NMNAT2: variants seen among roughly 807,000 people sequenced by gnomAD.
NMNAT2 encodes the protein nicotinamide nucleotide adenylyltransferase 2, also known as nicotinamide/nicotinic acid mononucleotide adenylyltransferase 2.
In NMNAT2, 11 loss-of-function variants were observed where a neutral mutation model predicts 41.6. That is an observed-to-expected ratio of 0.26 (90% confidence interval 0.17 to 0.44). NMNAT2 has a LOEUF of 0.44. Among genes scored for constraint, NMNAT2 ranks in the 20% least tolerant of loss-of-function variants. NMNAT2 has a pLI of 1.00. For synonymous variants in NMNAT2, 148 were observed against 151.2 expected (o/e 0.98, Z 0.16); for missense variants, 288 against 407.7 (o/e 0.71, Z 2.53).
At chr1:183,303,150 A>AGCAAT (rs1284109202) in intron 1 of NMNAT2, among the ~76,000 whole-genome samples, 1 of 152,224 alleles carries the variant, frequency 6.6e-6, no homozygotes, top group Non-Finnish European at 1.5e-5. Context: ...TTGTTTGAAA[A>AGCAAT]GCAATGATAT....
Position 183,364,754 on chromosome 1 carries a change from C to T in NMNAT2, c.85+53429G>A, listed in dbSNP as rs1280777936. 4.0e-5 allele frequency among the ~76,000 whole-genome samples: 6 copies of T among 151,850 alleles called. No homozygotes were observed. In the East Asian group the frequency reaches 5.8e-4, roughly 15 times the overall value. On this transcript the variant is annotated intron_variant, in intron 1 of 10. Transcript: ENST00000287713. ...TCTCCCAGGCTAGAGTGCAGTGGCA[C>T]GATCTTGGCTCACTGCAACCTCCAC...
chr1:183,409,418 G>T (rs1649053204), intron 1 of NMNAT2, among the ~76,000 whole-genome samples: 1 of 152,102 alleles, frequency 6.6e-6, no homozygotes, highest in African/African-American at 2.4e-5. Flanking sequence ...ATGGGCTCAA[G>T]CCATCCTCCC....
At chr1:183,403,778 T>C (rs1011154808) in intron 1 of NMNAT2, among the ~76,000 whole-genome samples, 2 of 152,214 alleles carry the variant, frequency 1.3e-5, no homozygotes, top group African/African-American at 2.4e-5. Flanking sequence ...CAAAATTGCA[T>C]GACAATACAC....
chr1:183,261,175 G>A, intron 9 of NMNAT2, 27 bp downstream of exon 9: 1 of 1,608,756 alleles, frequency 6.2e-7, no homozygotes, highest in Non-Finnish European at 8.5e-7. Flanking sequence ...CCATAACACA[G>A]ATGCACTAGC....
At chr1:183,354,272 G>A (rs1249635381) in intron 1 of NMNAT2, among the ~76,000 whole-genome samples, 2 of 152,120 alleles carry the variant, frequency 1.3e-5, no homozygotes, top group Non-Finnish European at 1.5e-5. Context: ...GATGAGAGAG[G>A]AGGAAGGACA....
chr1:183,288,259 C>G (rs985237032), intron 4 of NMNAT2, among the ~76,000 whole-genome samples: 1 of 152,182 alleles, frequency 6.6e-6, no homozygotes, highest in African/African-American at 2.4e-5. Flanking sequence ...CTCCTGCATT[C>G]TCAGAGGCCT....
intron 1 of NMNAT2, among the ~76,000 whole-genome samples, chr1:183,324,177 T>A (rs562012701): frequency 6.6e-6 from 1 of 152,092 alleles, no homozygotes; most frequent in African/African-American, 2.4e-5. Context: ...CAGCAGAAGA[T>A]CAACATTGGT....
At chr1:183,271,320 A>G (rs1660981269) in intron 8 of NMNAT2, among the ~76,000 whole-genome samples, 1 of 152,098 alleles carries the variant, frequency 6.6e-6, no homozygotes, top group Non-Finnish European at 1.5e-5. Flanking sequence ...CATCTCCCCA[A>G]AGGTCTTGTT....
chr1:183,374,797 G>A (rs576334689), intron 1 of NMNAT2, among the ~76,000 whole-genome samples: 2 of 152,134 alleles, frequency 1.3e-5, no homozygotes, highest in Non-Finnish European at 2.9e-5. Context: ...GAGTTTCAGA[G>A]GCTTAGGCAG....
intron 1 of NMNAT2, among the ~76,000 whole-genome samples, chr1:183,376,201 T>G (rs1663675261): frequency 1.3e-5 from 2 of 152,226 alleles, no homozygotes; most frequent in African/African-American, 2.4e-5. Context: ...ATTAATGGTA[T>G]TAATAATTAA....
At chr1:183,369,487 C>T (rs1663486206) in intron 1 of NMNAT2, among the ~76,000 whole-genome samples, 2 of 151,950 alleles carry the variant, frequency 1.3e-5, no homozygotes, top group African/African-American at 4.8e-5. Context: ...CCATGTTAGC[C>T]AGGATGGTCT....
At chr1:183,366,664 TG>T (rs767728122) in intron 1 of NMNAT2, among the ~76,000 whole-genome samples, 3 of 152,110 alleles carry the variant, frequency 2.0e-5, no homozygotes, top group Non-Finnish European at 4.4e-5. Flanking sequence ...GAGTCTGATG[TG>T]GGTGCAGGGA....
chr1:183,412,242 G>C (rs1032778882), intron 1 of NMNAT2, among the ~76,000 whole-genome samples: 4 of 152,216 alleles, frequency 2.6e-5, no homozygotes, highest in African/African-American at 7.2e-5. Context: ...TTTGTTTATT[G>C]AGACGGAGTC....
At chr1:183,315,549 C>T (rs550206331) in intron 1 of NMNAT2, among the ~76,000 whole-genome samples, 1 of 151,932 alleles carries the variant, frequency 6.6e-6, no homozygotes, top group African/African-American at 2.4e-5. Flanking sequence ...TTTGGGAGGC[C>T]GAGGCGGGTG....
chr1:183,342,155 G>T (rs943155712), intron 1 of NMNAT2, among the ~76,000 whole-genome samples: 1 of 151,674 alleles, frequency 6.6e-6, no homozygotes, highest in East Asian at 1.9e-4. Flanking sequence ...TCTCCATAGT[G>T]CTGGCTGCTA....
At chr1:183,308,561 A>G (rs1052599901) in intron 1 of NMNAT2, among the ~76,000 whole-genome samples, 1 of 152,240 alleles carries the variant, frequency 6.6e-6, no homozygotes. Context: ...TAAAAAAGGA[A>G]GCTGTTAAAT....
chr1:183,389,504 A>G lies in NMNAT2; in HGVS notation c.85+28679T>C, dbSNP rs1427977121. Among the ~76,000 whole-genome samples the G allele has an allele frequency of 3.3e-5, 5 of 151,922 alleles. No homozygotes were observed. The East Asian group carries it at 9.7e-4, about 29-fold the overall frequency. On this transcript the variant is annotated intron_variant, in intron 1 of 10. Transcript: ENST00000287713. ...ATCTTATAAATGTGGGGATAAAACCAACTTGACAGGGCTGTTTTGAGAATT... is the reference window on the plus strand; with the variant it reads ...ATCTTATAAATGTGGGGATAAAACCGACTTGACAGGGCTGTTTTGAGAATT...
At chr1:183,352,984 G>T (rs910112052) in intron 1 of NMNAT2, among the ~76,000 whole-genome samples, 2 of 152,154 alleles carry the variant, frequency 1.3e-5, no homozygotes, top group African/African-American at 2.4e-5. Context: ...CAGAAAGGAG[G>T]CTCTAGCCAT....
chr1:183,342,020 AC>A (rs1357116726), intron 1 of NMNAT2, among the ~76,000 whole-genome samples: 1 of 96,824 alleles, frequency 1.0e-5, no homozygotes, highest in East Asian at 4.2e-4. Context: ...TTCCTTCCTC[AC>A]CTTTTTTTTT....
Sources: gnomAD v4.1 joint callset for allele counts (sites outside exome capture counted in the v4.1 genomes callset) on GRCh38, gnomAD v4.1.1 for gene constraint, MANE v1.5 for transcripts, NCBI Gene and HGNC (gene_info 2026-07-23, HGNC 2026-07-21) for gene names.